BRDT: variants seen among roughly 807,000 people sequenced by gnomAD.
The protein encoded by BRDT is bromodomain testis associated, also known as bromodomain testis-specific protein.
BRDT carries 77 observed loss-of-function variants against 113.9 expected under a neutral mutation model. The ratio of observed to expected loss-of-function variants is 0.68; its 90% CI spans 0.56 to 0.82. The LOEUF (loss-of-function observed/expected upper bound fraction) is 0.82, where lower values mean the gene tolerates loss of function less well. Among genes scored for constraint, BRDT ranks in the 40% least tolerant of loss-of-function variants. The probability of loss-of-function intolerance (pLI) is 0.00; values close to 1 mark genes in which losing one functional copy is unlikely to be tolerated. For synonymous variants in BRDT, 358 were observed against 366.5 expected, an observed-to-expected ratio of 0.98 and a Z score of 0.26; for missense variants, 1,027 against 1,105.4, an observed-to-expected ratio of 0.93 and a Z score of 1.01.
In BRDT at chr1:91,998,502, A is replaced by T. The variant is rs536272783; in HGVS notation, c.2288-3547A>T. ...CCAGAACTTAAAGTATAATAAAAAA[A>T]TTTTTTTAAACTTCACCAAATTATA... On this transcript the variant is annotated intron_variant, in intron 15 of 18. Coordinates refer to ENST00000399546, the MANE Select transcript of BRDT (RefSeq NM_207189.4). Among the ~76,000 whole-genome samples, 384 of 152,290 alleles carry T rather than the reference A, an allele frequency of 2.5e-3. 3 individuals are homozygous for T. The highest frequency in any genetic ancestry group is 6.9e-3 in the African/African-American group (287 of 41,558).
chr1:91,983,534 A>G (rs535588300), intron 12 of BRDT, among the ~76,000 whole-genome samples: 3 of 152,184 alleles, frequency 2.0e-5, no homozygotes, highest in African/African-American at 4.8e-5. Flanking sequence ...GATGCCAGGC[A>G]TTAGCCACCA....
At chr1:92,008,488 C>G (rs1220828205) in intron 18 of BRDT, among the ~76,000 whole-genome samples, 1 of 152,110 alleles carries the variant, frequency 6.6e-6, no homozygotes, top group Non-Finnish European at 1.5e-5. Flanking sequence ...CCATCAATGT[C>G]AATACATCAT....
rs201976378 is a variant in BRDT, at chr1:91,964,709, C to T, written c.275C>T (p.Ser92Leu). The T allele has an allele frequency of 2.1e-4, 328 of 1,530,974 alleles. No homozygotes were observed. The highest frequency in any genetic ancestry group is 8.1e-4 in the Admixed American group (46 of 57,098). 94.8% of individuals were successfully genotyped at this position (1,530,974 alleles called of 1,614,324 possible). Reference sequence around the variant, plus strand: ...GAGAATAAATATTATGCGAAGGCTTCAGAATGTATAGAAGACTTCAATACA... The same window carrying T: ...GAGAATAAATATTATGCGAAGGCTTTAGAATGTATAGAAGACTTCAATACA... ...RLENKYYAKASECIEDFNTMF... is the reference protein window; with the variant it reads ...RLENKYYAKALECIEDFNTMF... Residue 92 changes from serine to leucine, a missense_variant, in exon 3 of 19, where the codon TCA becomes TTA. By Grantham distance (145) the Ser-to-Leu change is moderately radical. Coordinates refer to ENST00000399546, the MANE Select transcript of BRDT (RefSeq NM_207189.4).
chr1:91,997,657 A>T (rs1297689261), intron 15 of BRDT, among the ~76,000 whole-genome samples: 3 of 152,244 alleles, frequency 2.0e-5, no homozygotes, highest in Non-Finnish European at 4.4e-5. Flanking sequence ...TTCAGTAAGG[A>T]TCAGTTTATT....
intron 15 of BRDT, among the ~76,000 whole-genome samples, chr1:91,999,452 T>A (rs1197979299): frequency 6.6e-6 from 1 of 152,202 alleles, no homozygotes; most frequent in Non-Finnish European, 1.5e-5. Context: ...ATCCCATCTG[T>A]CTGTTCCTTA....
chr1:92,012,942 G>C (rs2101847441), intron 18 of BRDT, among the ~76,000 whole-genome samples: 2 of 149,810 alleles, frequency 1.3e-5, no homozygotes, highest in South Asian at 4.2e-4. Context: ...GTTCATGCCA[G>C]TTGCAGCAGC....
chr1:91,994,701 T>C (rs1211086672), intron 15 of BRDT, among the ~76,000 whole-genome samples: 2 of 151,204 alleles, frequency 1.3e-5, no homozygotes, highest in Middle Eastern at 3.4e-3. Context: ...ACCCCGTCTC[T>C]ACTAAAAATA....
chr1:91,997,228 G>T (rs771293293), intron 15 of BRDT, among the ~76,000 whole-genome samples: 7 of 152,036 alleles, frequency 4.6e-5, no homozygotes, highest in Non-Finnish European at 1.0e-4. Context: ...TTACTTTTGC[G>T]GAAGCTTTTT....
At chr1:91,991,268 T>A (rs1363823960) in intron 13 of BRDT, 23 bp downstream of exon 13, 1 of 1,411,834 alleles carries the variant, frequency 7.1e-7, no homozygotes, top group African/African-American at 1.4e-5. Flanking sequence ...TTTATTTGTA[T>A]CTGAATTTTA....
intron 4 of BRDT, among the ~76,000 whole-genome samples, chr1:91,975,292 T>A (rs577022302): frequency 4.0e-4 from 61 of 151,176 alleles, no homozygotes; most frequent in Non-Finnish European, 7.7e-4. Flanking sequence ...AAAAAAAATT[T>A]TAAAAAAAAA....
chr1:91,955,648 G>A (rs1055804320), intron 1 of BRDT, among the ~76,000 whole-genome samples: 5 of 151,186 alleles, frequency 3.3e-5, no homozygotes, highest in East Asian at 1.9e-4. Flanking sequence ...ATTTTTAAAC[G>A]TTTAAAAGAA....
chr1:91,953,939 T>TA (rs1397748782), intron 1 of BRDT, among the ~76,000 whole-genome samples: 1 of 151,788 alleles, frequency 6.6e-6, no homozygotes, highest in Admixed American at 6.6e-5. Flanking sequence ...TTTTTTTACT[T>TA]AGCATTTTCT....
In BRDT at chr1:91,978,158, T is replaced by G; in HGVS notation, c.970-10T>G. ...CTATTTGTGAATCCTGTAGTTTTTC[T>G]TTAATTTAGGAGAAAATGGATAACC... On this transcript the variant is annotated splice_polypyrimidine_tract_variant and intron_variant, in intron 6 of 18. Coordinates refer to ENST00000399546, the MANE Select transcript of BRDT (RefSeq NM_207189.4). 3 of 1,608,192 alleles carry G rather than the reference T, an allele frequency of 1.9e-6. No individual in the cohort carries two copies. The South Asian group carries it at 3.3e-5, about 18-fold the overall frequency.
At chr1:91,970,109 C>A (rs966090339) in intron 4 of BRDT, among the ~76,000 whole-genome samples, 1 of 151,934 alleles carries the variant, frequency 6.6e-6, no homozygotes, top group Admixed American at 6.6e-5. Context: ...TGATTACAGG[C>A]ATGAGCTGCT....
chr1:91,961,590 T>C (rs552391090), intron 1 of BRDT, among the ~76,000 whole-genome samples: 21 of 149,874 alleles, frequency 1.4e-4, no homozygotes, highest in African/African-American at 4.7e-4. Flanking sequence ...GATCGCGCCA[T>C]TGCACTCCAG....
chr1:91,994,996 A>T (rs1328737709), intron 15 of BRDT, among the ~76,000 whole-genome samples: 2 of 152,138 alleles, frequency 1.3e-5, no homozygotes, highest in Non-Finnish European at 2.9e-5. Flanking sequence ...ATACTTGCCT[A>T]AGGGTAGTTC....
intron 12 of BRDT, among the ~76,000 whole-genome samples, chr1:91,983,452 C>T (rs1290545155): frequency 1.3e-5 from 2 of 151,802 alleles, no homozygotes; most frequent in Non-Finnish European, 2.9e-5. Flanking sequence ...GACGGGGTTT[C>T]ACCGTGTTAG....
At chr1:91,957,503 AAAT>A in intron 1 of BRDT, 1 of 152,372 alleles carries the variant, frequency 6.6e-6, no homozygotes, top group Non-Finnish European at 1.5e-5. Context: ...AAAAAAAAAA[AAAT>A]TTTATGTTTT....
At chr1:91,982,670 C>A (rs1684828814) in intron 12 of BRDT, among the ~76,000 whole-genome samples, 1 of 152,132 alleles carries the variant, frequency 6.6e-6, no homozygotes, top group Non-Finnish European at 1.5e-5. Flanking sequence ...TGCTGACTTG[C>A]AATACATTCT....
Sources: allele counts gnomAD v4.1 joint callset (sites outside exome capture counted in the v4.1 genomes callset), GRCh38; gene constraint gnomAD v4.1.1; transcripts MANE v1.5; gene names NCBI Gene and HGNC (gene_info 2026-07-23, HGNC 2026-07-21).